Variants in RESP18 observed in about 807,000 individuals in gnomAD.
The protein encoded by RESP18 is regulated endocrine-specific protein 18.
In RESP18, 30 loss-of-function variants were observed where a neutral mutation model predicts 30.0. That is an observed-to-expected ratio of 1.00 (90% CI 0.75 to 1.36). The LOEUF (loss-of-function observed/expected upper bound fraction) is 1.36, where lower values mean the gene tolerates loss of function less well. Ranked by LOEUF, RESP18 falls within the 40% of genes most tolerant of loss-of-function variation. The pLI is 0.00. For synonymous variants in RESP18, 117 were observed against 111.2 expected (o/e 1.05, Z -0.33); for missense variants, 320 against 284.2 (o/e 1.13, Z -0.91).
At chr2:219,332,456 C>A in intron 2 of RESP18, 68 bp downstream of exon 1, 1 of 1,223,422 alleles carries the variant, frequency 8.2e-7, no homozygotes, top group Non-Finnish European at 1.1e-6. Context: ...CTTGAGGCCC[C>A]CTGCAGACCC....
At chr2:219,331,940 G>A (rs994197644) in intron 2 of RESP18, among the ~76,000 whole-genome samples, 1 of 152,186 alleles carries the variant, frequency 6.6e-6, no homozygotes, top group Non-Finnish European at 1.5e-5. Flanking sequence ...GAGAGGGGGC[G>A]ACAGACTAGG....
intron 6 of RESP18, among the ~76,000 whole-genome samples, chr2:219,327,816 G>A (rs1337190705): frequency 6.6e-6 from 1 of 152,178 alleles, no homozygotes; most frequent in African/African-American, 2.4e-5. Flanking sequence ...GAGCACCAGG[G>A]CAACCAGTCC....
In RESP18 at chr2:219,332,744, T is replaced by C; in HGVS notation, c.18-6A>G. On this transcript the variant is annotated splice_region_variant and splice_polypyrimidine_tract_variant and intron_variant, in intron 1 of 6. Transcript: ENST00000333527. ...ACCAGCCCGCGACTCCGAATCTGTT[T>C]AACCCTCCTCGGCAGTTCAGCCAAT... 1 of 1,537,612 alleles carries C rather than the reference T, an allele frequency of 6.5e-7. No individual in the cohort carries two copies.
intron 2 of RESP18, among the ~76,000 whole-genome samples, chr2:219,331,527 T>C (rs1190853580): frequency 6.6e-6 from 1 of 152,200 alleles, no homozygotes; most frequent in Non-Finnish European, 1.5e-5. Flanking sequence ...GTCAAATGGA[T>C]GTCTAATAAT....
intron 3 of RESP18, 113 bp from the exon 3 acceptor site, chr2:219,329,877 T>A: frequency 9.1e-7 from 1 of 1,100,436 alleles, no homozygotes; most frequent in Non-Finnish European, 1.3e-6. Context: ...TACAGAGAAT[T>A]AAACAAGATG....
At chr2:219,329,097 C>T (rs1469406246) in intron 5 of RESP18, 66 bp downstream of exon 4, 7 of 1,486,940 alleles carry the variant, frequency 4.7e-6, no homozygotes, top group African/African-American at 1.4e-5. Context: ...ATGCCCATTC[C>T]CTTCTTCCTA....
chr2:219,331,122 G>A (rs1952826413), intron 2 of RESP18: 1 of 415,950 alleles, frequency 2.4e-6, no homozygotes, highest in South Asian at 3.2e-5. Flanking sequence ...TTTACAAAGA[G>A]CAGCCTGTAG....
chr2:219,331,460 T>G (rs1310849660), intron 2 of RESP18, among the ~76,000 whole-genome samples: 2 of 152,148 alleles, frequency 1.3e-5, no homozygotes, highest in Non-Finnish European at 2.9e-5. Context: ...TTTGCTATAG[T>G]GTAGTTACCA....
chr2:219,328,777 CTGAA>C (rs1288776518), intron 6 of RESP18, 143 bp downstream of exon 5: 2 of 606,592 alleles, frequency 3.3e-6, no homozygotes, highest in Non-Finnish European at 5.9e-6. Flanking sequence ...AAGGGGGAGG[CTGAA>C]TGTGAGGGTC....
intron 6 of RESP18, 95 bp downstream of exon 5, chr2:219,328,829 T>C (rs2125106935): frequency 2.8e-6 from 2 of 712,864 alleles, no homozygotes; most frequent in Non-Finnish European, 4.9e-6. Context: ...GGAGTGTTGC[T>C]ATCATGTGCT....
chr2:219,329,310 C>T lies in RESP18; in HGVS notation c.466-58G>A. 1.9e-6 allele frequency: 3 copies of T among 1,551,690 alleles called. No individual in the cohort carries two copies. In the South Asian group the frequency reaches 3.6e-5, roughly 18 times the overall value. On this transcript the variant is annotated intron_variant, in intron 4 of 6. Transcript: ENST00000333527. ...GGCAGAAAAGGGTGAGAGGGCCCCA[C>T]AGGAAAAGCAATTGGATACAAAGTC...
In RESP18 at chr2:219,332,788, C is replaced by T. The variant is rs1312492617; in HGVS notation, c.18-50G>A. ...AGCCAATCGTGAGCGGGCCCTGCCC[C>T]TGCGGTCGCCTCCCCAGCTCCTTCC... On this transcript the variant is annotated intron_variant, in intron 1 of 6. Transcript: ENST00000333527. 4 of 1,398,252 alleles carry T rather than the reference C, an allele frequency of 2.9e-6. No homozygotes were observed. In the African/African-American group the frequency reaches 4.3e-5, roughly 15 times the overall value. 86.6% of individuals were successfully genotyped at this position (1,398,252 alleles called of 1,614,324 possible).
intron 5 of RESP18, 61 bp from the exon 5 acceptor site, chr2:219,329,069 CGA>C (rs1459653173): frequency 6.8e-7 from 1 of 1,475,796 alleles, no homozygotes; most frequent in African/African-American, 1.4e-5. Flanking sequence ...TTTTCTGCAG[CGA>C]TCTGCCCTCA....
At chr2:219,329,827 C>T in intron 3 of RESP18, 63 bp from the exon 3 acceptor site, 1 of 1,483,404 alleles carries the variant, frequency 6.7e-7, no homozygotes, top group South Asian at 1.3e-5. Context: ...CTCCAGGGAT[C>T]AGAGTAACCT....
At chr2:219,331,881 A>G (rs1267560608) in intron 2 of RESP18, among the ~76,000 whole-genome samples, 1 of 152,184 alleles carries the variant, frequency 6.6e-6, no homozygotes, top group Non-Finnish European at 1.5e-5. Context: ...GCCTCCTCCC[A>G]CAGCTGTTCC....
At chr2:219,327,600 T>C in intron 6 of RESP18, 37 bp from the exon 6 acceptor site, 5 of 1,520,054 alleles carry the variant, frequency 3.3e-6, no homozygotes, top group Non-Finnish European at 4.5e-6. Context: ...AGAGTCAGGA[T>C]GTGAGACAGT....
At chr2:219,328,884 ACT>A (rs780563871) in intron 6 of RESP18, 38 bp downstream of exon 5, 17 of 1,330,012 alleles carry the variant, frequency 1.3e-5, no homozygotes, top group East Asian at 5.0e-5. Context: ...AATTTTGAAA[ACT>A]CTGCTGTTTC....
chr2:219,330,293 G>A (rs1487096249), intron 3 of RESP18, among the ~76,000 whole-genome samples: 1 of 151,386 alleles, frequency 6.6e-6, no homozygotes, highest in Non-Finnish European at 1.5e-5. Context: ...CTAGCTGACT[G>A]TCTCCTCCCC....
chr2:219,329,102 T>C (rs535707310), intron 5 of RESP18, 61 bp downstream of exon 4: 2 of 1,496,706 alleles, frequency 1.3e-6, no homozygotes, highest in East Asian at 2.5e-5. Context: ...CATTCCCTTC[T>C]TCCTATCTGC....
Sources: gnomAD v4.1 joint callset for allele counts (sites outside exome capture counted in the v4.1 genomes callset) on GRCh38, gnomAD v4.1.1 for gene constraint, MANE v1.5 for transcripts, NCBI Gene and HGNC (gene_info 2026-07-23, HGNC 2026-07-21) for gene names.